ALDH3B2: variants seen among roughly 807,000 people sequenced by gnomAD.
ALDH3B2 encodes aldehyde dehydrogenase family 3 member B2.
Under a neutral mutation model 36.7 loss-of-function variants are expected in ALDH3B2, and 45 were observed. That is an observed-to-expected ratio of 1.23 (90% CI 0.97 to 1.57). The LOEUF is 1.57. Ranked by LOEUF, ALDH3B2 falls within the 40% of genes most tolerant of loss-of-function variation. The probability of loss-of-function intolerance (pLI) is 0.00; values close to 1 mark genes in which losing one functional copy is unlikely to be tolerated. For missense variants in ALDH3B2, 464 were observed against 513.3 expected, an observed-to-expected ratio of 0.90 and a Z score of 0.93; for synonymous variants, 217 against 226.5, an observed-to-expected ratio of 0.96 and a Z score of 0.38.
intron 1 of ALDH3B2, among the ~76,000 whole-genome samples, chr11:67,672,618 T>C (rs192579492): frequency 5.3e-5 from 8 of 151,890 alleles, no homozygotes; most frequent in Admixed American, 4.6e-4. Flanking sequence ...AGATGGAGTC[T>C]CATTCTGTCA....
upstream of ALDH3B2, among the ~76,000 whole-genome samples, chr11:67,679,243 G>A (rs760758569): frequency 6.6e-6 from 1 of 152,048 alleles, no homozygotes; most frequent in Non-Finnish European, 1.5e-5. Context: ...TGAGGTGGAC[G>A]GATCACTTGA....
At chr11:67,670,784 G>C (rs990525963) in intron 1 of ALDH3B2, among the ~76,000 whole-genome samples, 1 of 152,212 alleles carries the variant, frequency 6.6e-6, no homozygotes, top group Admixed American at 6.5e-5. Context: ...TCCTGGCACA[G>C]GACCCCCACA....
chr11:67,677,047 C>T (rs932150880), upstream of ALDH3B2, among the ~76,000 whole-genome samples: 4 of 152,292 alleles, frequency 2.6e-5, no homozygotes, highest in African/African-American at 9.6e-5. Flanking sequence ...GGTACCAATC[C>T]TTTTGACACT....
At chr11:67,663,687 C>T in exon 9 of ALDH3B2, 1 of 1,612,438 alleles carries the variant, frequency 6.2e-7, no homozygotes, top group South Asian at 1.1e-5. Context: ...GCACGGACAG[C>T]AGAGATATGT....
upstream of ALDH3B2, among the ~76,000 whole-genome samples, chr11:67,677,581 A>G (rs1030712788): frequency 6.6e-6 from 1 of 152,186 alleles, no homozygotes; most frequent in Non-Finnish European, 1.5e-5. Context: ...CCTCTTCAAC[A>G]TATTACTGGC....
chr11:67,664,464 C>A lies in ALDH3B2; in HGVS notation c.805G>T (p.Glu269Ter), dbSNP rs745389018. ...TGCCGGTTGATGAACTTGATGGCCT[C>A]GTCCACGCTCTGCACGTTCACGATG... The change falls in exon 8 of 10, where the codon GAG becomes TAG. Residue 269 changes from glutamate (E) to a stop codon, truncating the protein, a stop_gained. Transcript: ENST00000349015. LOFTEE classifies it high-confidence loss of function. The A allele has an allele frequency of 3.7e-6, 6 of 1,614,126 alleles. No individual in the cohort carries two copies. Among genetic ancestry groups the A allele is most frequent in the Non-Finnish European group, 4.2e-6 (5 of 1,180,002 alleles).
At chr11:67,675,443 C>T (rs1856247477), upstream of ALDH3B2, among the ~76,000 whole-genome samples, 1 of 152,204 alleles carries the variant, frequency 6.6e-6, no homozygotes, top group Non-Finnish European at 1.5e-5. Context: ...GAGCTCAGGT[C>T]CTGCCACTGT....
intron 1 of ALDH3B2, among the ~76,000 whole-genome samples, chr11:67,680,958 G>C (rs983024128): frequency 3.3e-5 from 5 of 152,148 alleles, no homozygotes; most frequent in East Asian, 1.9e-4. Context: ...GAGGGATATT[G>C]TTAGCTCAGA....
intron 6 of ALDH3B2, 63 bp downstream of exon 6, chr11:67,666,059 C>T (rs1829319348): frequency 1.3e-6 from 2 of 1,584,026 alleles, no homozygotes; most frequent in Non-Finnish European, 1.7e-6. Flanking sequence ...CTCCACAACC[C>T]TCCCACCCTC....
exon 2 of ALDH3B2, chr11:67,667,473 CT>C: frequency 2.6e-6 from 1 of 381,132 alleles, no homozygotes; most frequent in Non-Finnish European, 4.9e-6. Flanking sequence ...CACGGCCCAC[CT>C]TATGCAGGTC....
At chr11:67,679,513 C>A (rs1038733862), upstream of ALDH3B2, among the ~76,000 whole-genome samples, 1 of 151,802 alleles carries the variant, frequency 6.6e-6, no homozygotes, top group Non-Finnish European at 1.5e-5. Context: ...GGCACAGTGG[C>A]TCATGCCTGT....
chr11:67,663,146 T>G (rs774318515), exon 10 of ALDH3B2: 8 of 1,503,078 alleles, frequency 5.3e-6, no homozygotes, highest in Non-Finnish European at 7.2e-6. Flanking sequence ...CAATGTGAGT[T>G]GGGAGCATAA....
chr11:67,671,861 A>AATGATC (rs1856124168), intron 1 of ALDH3B2, among the ~76,000 whole-genome samples: 1 of 89,432 alleles, frequency 1.1e-5, no homozygotes, highest in Non-Finnish European at 2.4e-5. Context: ...CATTTTATTC[A>AATGATC]CAGCCACCCC....
At chr11:67,679,387 C>G (rs765320962), upstream of ALDH3B2, among the ~76,000 whole-genome samples, 61 of 151,912 alleles carry the variant, frequency 4.0e-4, no homozygotes, top group African/African-American at 1.4e-3. Context: ...AGGAGAATTA[C>G]TTAAATCTGG....
chr11:67,664,074 G>A (rs1185958462), intron 8 of ALDH3B2, among the ~76,000 whole-genome samples: 1 of 152,154 alleles, frequency 6.6e-6, no homozygotes, highest in African/African-American at 2.4e-5. Flanking sequence ...GACCCGCTGG[G>A]CTCTATCAGG....
chr11:67,675,378 G>T (rs557472249), upstream of ALDH3B2, among the ~76,000 whole-genome samples: 1 of 152,176 alleles, frequency 6.6e-6, no homozygotes, highest in Non-Finnish European at 1.5e-5. Context: ...AATGTTGCCC[G>T]CTAATGTTTC....
chr11:67,663,326 G>A (rs111978289), exon 10 of ALDH3B2: 143 of 1,614,164 alleles, frequency 8.9e-5, no homozygotes, highest in Middle Eastern at 1.7e-4. Context: ...CGGAGGGGGC[G>A]AGCAGGCAGG....
chr11:67,677,876 A>C (rs143500307), upstream of ALDH3B2, among the ~76,000 whole-genome samples: 243 of 152,292 alleles, frequency 1.6e-3, no homozygotes, highest in African/African-American at 5.6e-3. Flanking sequence ...AAACAAAAAA[A>C]CAAAACAAAA....
At chr11:67,677,735 G>T (rs1856296543), upstream of ALDH3B2, among the ~76,000 whole-genome samples, 2 of 152,074 alleles carry the variant, frequency 1.3e-5, no homozygotes, top group Non-Finnish European at 2.9e-5. Context: ...TCCTAAAACT[G>T]ATAAAAGAAT....
Sources: allele counts gnomAD v4.1 joint callset (sites outside exome capture counted in the v4.1 genomes callset), GRCh38; gene constraint gnomAD v4.1.1; transcripts MANE v1.5; gene names NCBI Gene and HGNC (gene_info 2026-07-23, HGNC 2026-07-21).